The following MEP1A variants were observed in gnomAD, a reference collection of about 807,000 sequenced individuals.
MEP1A encodes meprin A subunit alpha.
MEP1A carries 68 observed loss-of-function variants against 84.5 expected under a neutral mutation model. The observed-to-expected ratio is 0.80, with a 90% CI of 0.66 to 0.98. The LOEUF is 0.98. Ranked by LOEUF, MEP1A falls within the 50% of genes least tolerant of loss-of-function variation. The probability of loss-of-function intolerance (pLI) is 0.00; values close to 1 mark genes in which losing one functional copy is unlikely to be tolerated. For synonymous variants in MEP1A, 337 were observed against 336.8 expected, an observed-to-expected ratio of 1.00 and a Z score of -0.01; for missense variants, 887 against 919.9, an observed-to-expected ratio of 0.96 and a Z score of 0.46.
chr6:46,845,904 T>G, the MEP1A span, among the ~76,000 whole-genome samples: 1 of 152,174 alleles, frequency 6.6e-6, no homozygotes, highest in Non-Finnish European at 1.5e-5. Flanking sequence ...ACACCACTGT[T>G]ATAGTGCATA....
intron 3 of MEP1A, among the ~76,000 whole-genome samples, chr6:46,798,232 T>C (rs1473359532): frequency 6.6e-6 from 1 of 152,184 alleles, no homozygotes; most frequent in African/African-American, 2.4e-5. Context: ...CCTCCCAAAG[T>C]GCTGGGATTA....
chr6:46,797,816 TTCTTTCTTTCTTTCTTTCTTTC>T (rs1275106647), intron 3 of MEP1A, among the ~76,000 whole-genome samples: 5 of 145,060 alleles, frequency 3.4e-5, no homozygotes, highest in East Asian at 2.0e-4. Context: ...CTTTCTTTCT[TTCTTTCTTTCTTTCTTTCTTTC>T]TCTCTCTCTT....
chr6:46,835,599 T>G, intron 13 of MEP1A, 50 bp downstream of exon 13: 1 of 1,586,946 alleles, frequency 6.3e-7, no homozygotes, highest in Non-Finnish European at 8.6e-7. Context: ...CTGGGCCGTG[T>G]GCATGCTTGC....
At chr6:46,834,826 G>A in intron 12 of MEP1A, 75 bp downstream of exon 12, 3 of 1,193,184 alleles carry the variant, frequency 2.5e-6, no homozygotes, top group Non-Finnish European at 3.6e-6. Flanking sequence ...GATTTTTAAA[G>A]CACACACGGA....
chr6:46,844,521 T>C (rs1001961277), downstream of MEP1A, among the ~76,000 whole-genome samples: 6 of 152,114 alleles, frequency 3.9e-5, no homozygotes, highest in African/African-American at 1.4e-4. Context: ...GTAGGACAAA[T>C]TGACCCATGT....
chr6:46,807,774 A>G (rs5875982), intron 5 of MEP1A, among the ~76,000 whole-genome samples: 2 of 39,392 alleles, frequency 5.1e-5, no homozygotes, highest in East Asian at 2.1e-3. Flanking sequence ...GAGAAAGGAA[A>G]GAAAGAAAGA....
At chr6:46,804,556 G>A (rs1185745875) in intron 5 of MEP1A, among the ~76,000 whole-genome samples, 2 of 151,584 alleles carry the variant, frequency 1.3e-5, no homozygotes, top group Non-Finnish European at 3.0e-5. Flanking sequence ...TCGGGCACTA[G>A]TACACTTTAC....
chr6:46,819,242 C>T (rs1767710272), intron 6 of MEP1A, among the ~76,000 whole-genome samples: 1 of 152,172 alleles, frequency 6.6e-6, no homozygotes, highest in African/African-American at 2.4e-5. Context: ...ATGTTTATTG[C>T]TTTCTACCTT....
chr6:46,839,198 C>T lies in MEP1A; in HGVS notation c.*62C>T, dbSNP rs1562120105. The T allele has an allele frequency of 3.8e-5, 44 of 1,157,928 alleles. No homozygotes were observed. The South Asian group carries it at 7.8e-4, about 21-fold the overall frequency. The allele number at this position is 1,157,928 out of a possible 1,614,324, so 71.7% of individuals were successfully genotyped here. A position where few individuals can be genotyped will look rare whatever the true frequency, so the allele number is the denominator to read the frequency against. On this transcript the variant is annotated 3_prime_UTR_variant, in exon 14 of 14. Transcript: ENST00000230588. ...TCCTCCATGCAGGCCTTAACTTTCC[C>T]ATGGTCAATGCAGTTTTTATCAGCC...
chr6:46,801,131 A>G (rs1767190312), intron 5 of MEP1A, among the ~76,000 whole-genome samples: 1 of 152,102 alleles, frequency 6.6e-6, no homozygotes, highest in Non-Finnish European at 1.5e-5. Context: ...TTTTTTATTT[A>G]TCTTTGGTAA....
At chr6:46,837,700 G>C (rs1048533883) in intron 13 of MEP1A, among the ~76,000 whole-genome samples, 2 of 152,168 alleles carry the variant, frequency 1.3e-5, no homozygotes, top group Non-Finnish European at 2.9e-5. Context: ...CTGCAGCTGA[G>C]AGTTGGCAGA....
At chr6:46,794,471 G>T (rs573838628) in intron 3 of MEP1A, among the ~76,000 whole-genome samples, 12 of 152,294 alleles carry the variant, frequency 7.9e-5, no homozygotes, top group African/African-American at 2.9e-4. Context: ...CTCATGGGTA[G>T]AGTGACTTGC....
intron 13 of MEP1A, among the ~76,000 whole-genome samples, chr6:46,837,142 A>G (rs897323447): frequency 6.6e-6 from 1 of 152,184 alleles, no homozygotes; most frequent in African/African-American, 2.4e-5. Flanking sequence ...GAGATCTTCT[A>G]ATGTTGATTT....
chr6:46,794,024 C>A (rs993317799), intron 3 of MEP1A, among the ~76,000 whole-genome samples: 1 of 152,020 alleles, frequency 6.6e-6, no homozygotes, highest in East Asian at 1.9e-4. Flanking sequence ...ATAATTATTC[C>A]GATTGTTAAA....
chr6:46,799,636 T>C (rs1767148930), intron 5 of MEP1A, among the ~76,000 whole-genome samples: 1 of 152,198 alleles, frequency 6.6e-6, no homozygotes, highest in Non-Finnish European at 1.5e-5. Flanking sequence ...CCTTTTTTCT[T>C]GGTGTTATTA....
At position 46,825,542 on chromosome 6, in the gene MEP1A, T is replaced by C. The variant is rs370570724; in HGVS notation, c.778+49T>C. On this transcript the variant is annotated intron_variant, in intron 8 of 13. Transcript: ENST00000230588. ...CTTGGTAAACTAGCCTCAGCAGAGA[T>C]TCCATCAGCCTTAGAGATTTCCTTT... is the stretch of plus-strand genomic sequence containing the variant. The C allele has an allele frequency of 5.3e-5, 67 of 1,257,192 alleles. No individual in the cohort carries two copies. In the African/African-American group the frequency reaches 7.6e-4, roughly 14 times the overall value. The allele number at this position is 1,257,192 out of a possible 1,614,324, so 77.9% of individuals were successfully genotyped here.
chr6:46,824,893 TTATA>T (rs1207625916), intron 7 of MEP1A, among the ~76,000 whole-genome samples: 3 of 52,306 alleles, frequency 5.7e-5, no homozygotes, highest in Non-Finnish European at 8.6e-5. Flanking sequence ...TATATATAAA[TTATA>T]TATATAAATT....
intron 9 of MEP1A, 120 bp downstream of exon 9, chr6:46,826,623 G>A (rs1165756696): frequency 3.5e-6 from 3 of 849,110 alleles, no homozygotes; most frequent in South Asian, 4.0e-5. Context: ...ATCTGAACAA[G>A]GACAAAAAAC....
At chr6:46,803,671 A>G (rs1295668844) in intron 5 of MEP1A, among the ~76,000 whole-genome samples, 1 of 151,548 alleles carries the variant, frequency 6.6e-6, no homozygotes, top group Non-Finnish European at 1.5e-5. Flanking sequence ...ATGAAAATTC[A>G]TATCACTTAT....
Sources: allele counts gnomAD v4.1 joint callset (sites outside exome capture counted in the v4.1 genomes callset), GRCh38; gene constraint gnomAD v4.1.1; transcripts MANE v1.5; gene names NCBI Gene and HGNC (gene_info 2026-07-23, HGNC 2026-07-21).